LAMA3: variants seen among roughly 807,000 people sequenced by gnomAD.
LAMA3 encodes laminin subunit alpha 3, also known as laminin subunit alpha-3.
A neutral mutation model predicts 402.0 loss-of-function variants in LAMA3; 281 were observed. That is an observed-to-expected ratio of 0.70 (90% CI 0.63 to 0.77). The LOEUF (loss-of-function observed/expected upper bound fraction) is 0.77, where lower values mean the gene tolerates loss of function less well. LAMA3 is among the 30% of genes least tolerant of loss of function. The probability of loss-of-function intolerance (pLI) is 0.00; values close to 1 mark genes in which losing one functional copy is unlikely to be tolerated. For synonymous variants in LAMA3, 1,431 were observed against 1,558.4 expected, an observed-to-expected ratio of 0.92 and a Z score of 1.93; for missense variants, 3,840 against 4,215.5, an observed-to-expected ratio of 0.91 and a Z score of 2.47.
intron 18 of LAMA3, among the ~76,000 whole-genome samples, chr18:23,816,827 C>G (rs912067662): frequency 6.6e-6 from 1 of 152,086 alleles, no homozygotes; most frequent in Non-Finnish European, 1.5e-5. Context: ...GAGGAGCCCA[C>G]AGATAGGCCC....
chr18:23,902,720 A>T (rs887398497), intron 48 of LAMA3, among the ~76,000 whole-genome samples: 2 of 152,190 alleles, frequency 1.3e-5, no homozygotes, highest in Non-Finnish European at 2.9e-5. Context: ...CACAAACCAG[A>T]TTTTGATAAT....
chr18:23,730,892 G>T (rs1244055502), intron 2 of LAMA3, among the ~76,000 whole-genome samples: 1 of 152,138 alleles, frequency 6.6e-6, no homozygotes, highest in Non-Finnish European at 1.5e-5. Context: ...TCTGAGTCAT[G>T]TTGAGAAGTA....
chr18:23,773,910 T>A (rs985414968), intron 9 of LAMA3, among the ~76,000 whole-genome samples: 2 of 152,214 alleles, frequency 1.3e-5, no homozygotes, highest in South Asian at 4.1e-4. Context: ...TTGACATGTT[T>A]CTATGATCTC....
chr18:23,821,161 C>T (rs1477644199), intron 19 of LAMA3, among the ~76,000 whole-genome samples: 1 of 152,226 alleles, frequency 6.6e-6, no homozygotes, highest in Non-Finnish European at 1.5e-5. Context: ...CAAAGGAATT[C>T]ATCTCTAATG....
chr18:23,708,885 G>A (rs1372616307), intron 1 of LAMA3, among the ~76,000 whole-genome samples: 1 of 147,814 alleles, frequency 6.8e-6, no homozygotes, highest in Admixed American at 6.8e-5. Flanking sequence ...AGTCTCCCAA[G>A]TAGCTGGGAC....
Position 23,732,706 on chromosome 18 carries a change from T to A in LAMA3, c.448-15237T>A, listed in dbSNP as rs972398446. The stretch of plus-strand genomic sequence containing the variant: ...CACAGGCTTCGGAATCCTACAGATG[T>A]AGGTTTACATCCTTGCTTTGTTACC... On this transcript the variant is annotated intron_variant, in intron 2 of 74. Coordinates refer to ENST00000313654, the MANE Select transcript of LAMA3 (RefSeq NM_198129.4). Among the ~76,000 whole-genome samples, 4 of 152,232 alleles carry A rather than the reference T, an allele frequency of 2.6e-5. No homozygotes were observed. In the South Asian group the frequency reaches 8.3e-4, roughly 32 times the overall value.
At chr18:23,850,530 T>C (rs988510649) in intron 32 of LAMA3, among the ~76,000 whole-genome samples, 1 of 152,218 alleles carries the variant, frequency 6.6e-6, no homozygotes, top group Non-Finnish European at 1.5e-5. Context: ...TAACTTCCTA[T>C]CTAAATTTAA....
rs2063817061 is a variant in LAMA3 at position 23,846,433 on chromosome 18, C to A, written c.3856C>A (p.Pro1286Thr). 1 of 1,613,774 alleles carries A rather than the reference C, an allele frequency of 6.2e-7. No homozygotes were observed. Among genetic ancestry groups the A allele is most frequent in the African/African-American group, 1.3e-5 (1 of 74,954 alleles). The stretch of plus-strand genomic sequence containing the variant: ...CTGCAGCCCTGAGGGTGGGCAGTGC[C>A]CATGCCAGCCCAACGTCATCGGGCG... ...PHCSPEGGQC[P>T]CQPNVIGRQC... is the part of the protein sequence containing the mutation. The change falls in exon 31 of 75, where the codon CCA becomes ACA. Residue 1286 changes from proline (P) to threonine (T), a missense_variant. Physicochemically the swap from Pro to Thr is conservative, Grantham distance 38 (BLOSUM62 -1). This residue lies in a region of LAMA3 where 2,109 missense variants were observed against 2,376.0 expected (regional missense o/e 0.89). Coordinates refer to ENST00000313654, the MANE Select transcript of LAMA3 (RefSeq NM_198129.4).
Position 23,814,875 on chromosome 18 carries a change from TA to T in LAMA3, c.1889-312del, listed in dbSNP as rs200200784. 2.3e-4 allele frequency among the ~76,000 whole-genome samples: 35 copies of T among 152,350 alleles called. No homozygotes were observed. In the East Asian group the frequency reaches 6.5e-3, roughly 29 times the overall value. On this transcript the variant is annotated intron_variant, in intron 15 of 74. Transcript: ENST00000313654. The stretch of plus-strand genomic sequence containing the variant: ...ATACTGAATAACCTTGAATAGAGTG[TA>T]TTTTCATGCATGCATATCAGTAATG...
chr18:23,813,553 C>CTTTTTTTTTTTTTTTTTTTTTTT (rs1164123647), intron 14 of LAMA3, among the ~76,000 whole-genome samples: 4 of 115,006 alleles, frequency 3.5e-5, no homozygotes, highest in African/African-American at 3.4e-5. Flanking sequence ...TCTTTTCTTT[C>CTTTTTTTTTTTTTTTTTTTTTTT]TTTTTTTTTT....
chr18:23,706,747 GTGTAATAAACTA>G (rs1427773733), intron 1 of LAMA3, among the ~76,000 whole-genome samples: 1 of 152,082 alleles, frequency 6.6e-6, no homozygotes, highest in Non-Finnish European at 1.5e-5. Flanking sequence ...ATTGATTCTT[GTGTAATAAACTA>G]CCCCCAAAAC....
chr18:23,928,664 A>G lies in LAMA3; in HGVS notation c.8335A>G (p.Ser2779Gly), dbSNP rs1179093814. The change falls in exon 64 of 75, where the codon AGT (serine) becomes GGT (glycine). Residue 2779 changes from serine (S) to glycine (G), a missense_variant. By Grantham distance (56) the Ser-to-Gly change is moderately conservative (BLOSUM62 0). This residue lies in a region of LAMA3 where 840 missense variants were observed against 981.9 expected (regional missense o/e 0.86). Coordinates refer to ENST00000313654, the MANE Select transcript of LAMA3 (RefSeq NM_198129.4). ...SASFSRGGQL[S>G]FTDLGLPPTD... ...CTCATTCTCCAGAGGAGGACAATTG[A>G]GTTTCACTGATTTGGGCTTACCACC... The G allele has an allele frequency of 6.2e-7, 1 of 1,613,886 alleles. No individual in the cohort carries two copies. The highest frequency in any genetic ancestry group is 8.5e-7 in the Non-Finnish European group (1 of 1,179,770).
At chr18:23,906,346 C>G (rs1352263277) in intron 52 of LAMA3, among the ~76,000 whole-genome samples, 1 of 152,126 alleles carries the variant, frequency 6.6e-6, no homozygotes, top group Non-Finnish European at 1.5e-5. Flanking sequence ...ATCTTTGCAA[C>G]TAAAAGTCCC....
intron 70 of LAMA3, among the ~76,000 whole-genome samples, chr18:23,949,330 G>A (rs1056499202): frequency 1.5e-4 from 23 of 152,134 alleles, no homozygotes; most frequent in Non-Finnish European, 2.9e-4. Flanking sequence ...ACACTGCCTC[G>A]TGGAACTCTA....
chr18:23,873,061 G>A (rs2064580582), intron 38 of LAMA3: 4 of 1,614,242 alleles, frequency 2.5e-6, no homozygotes, highest in Non-Finnish European at 3.4e-6. Flanking sequence ...CCAGCAGTGA[G>A]GCGGTCAGCC....
At chr18:23,732,673 C>CT (rs1238760215) in intron 2 of LAMA3, among the ~76,000 whole-genome samples, 3 of 152,072 alleles carry the variant, frequency 2.0e-5, no homozygotes, top group Non-Finnish European at 2.9e-5. Context: ...AAGCTAATTG[C>CT]TTAAGAGCAC....
intron 12 of LAMA3, among the ~76,000 whole-genome samples, chr18:23,801,507 G>A (rs2062866041): frequency 1.3e-5 from 2 of 152,080 alleles, no homozygotes; most frequent in Admixed American, 1.3e-4. Flanking sequence ...AACCTCCATG[G>A]GGGCACAGGT....
At chr18:23,939,083 C>A in intron 67 of LAMA3, 140 bp from the exon 68 acceptor site, 1 of 876,688 alleles carries the variant, frequency 1.1e-6, no homozygotes, top group East Asian at 2.5e-5. Flanking sequence ...GGAAACTTCC[C>A]ATCTCCATGG....
chr18:23,948,340 G>A (rs994061340), intron 70 of LAMA3, among the ~76,000 whole-genome samples: 2 of 152,100 alleles, frequency 1.3e-5, no homozygotes, highest in African/African-American at 4.8e-5. Context: ...CTTTTCAGGA[G>A]CAGGCCACAT....
Sources: allele counts gnomAD v4.1 joint callset (sites outside exome capture counted in the v4.1 genomes callset), GRCh38; gene constraint gnomAD v4.1.1; regional missense constraint gnomAD v4.1.1; transcripts MANE v1.5; gene names NCBI Gene and HGNC (gene_info 2026-07-23, HGNC 2026-07-21).